The following NT5DC1 variants were observed in gnomAD, a reference collection of about 807,000 sequenced individuals.
NT5DC1 encodes 5'-nucleotidase domain containing 1.
A neutral mutation model predicts 59.4 loss-of-function variants in NT5DC1; 42 were observed. The observed-to-expected ratio is 0.71, with a 90% confidence interval of 0.55 to 0.92. The LOEUF (loss-of-function observed/expected upper bound fraction) is 0.92. NT5DC1 is among the 40% of genes least tolerant of loss of function. NT5DC1 has a pLI of 0.00. For missense variants in NT5DC1, 501 were observed against 537.1 expected (o/e 0.93, Z 0.66); for synonymous variants, 172 against 188.1 (o/e 0.91, Z 0.70).
In NT5DC1 at chr6:116,121,996, G is replaced by A. The variant is rs769586044; in HGVS notation, c.529+4051G>A. ...ACACCCAACACACCCACCCATAGAA[G>A]GGGATGGTTAGTGACATTAAAGAGA... is the stretch of plus-strand genomic sequence containing the variant. On this transcript the variant is annotated intron_variant, in intron 6 of 11. Transcript: ENST00000319550. The A allele has an allele frequency of 5.7e-6, 9 of 1,570,184 alleles. 1 individual carries two copies. In the Admixed American group the frequency reaches 1.5e-4, roughly 26 times the overall value.
intron 6 of NT5DC1, among the ~76,000 whole-genome samples, chr6:116,201,253 T>G (rs1781340901): frequency 1.3e-5 from 2 of 152,220 alleles, no homozygotes; most frequent in South Asian, 4.1e-4. Flanking sequence ...ATGATACTCT[T>G]GCCTTTTTGG....
chr6:116,181,968 T>A (rs1780882745), intron 6 of NT5DC1, among the ~76,000 whole-genome samples: 1 of 152,098 alleles, frequency 6.6e-6, no homozygotes, highest in Admixed American at 6.6e-5. Context: ...GGTGCACCCA[T>A]CACCTGAGCA....
chr6:116,205,608 A>T lies in NT5DC1; in HGVS notation c.530-15446A>T, dbSNP rs932770988. On this transcript the variant is annotated intron_variant, in intron 6 of 11. Coordinates refer to ENST00000319550, the MANE Select transcript of NT5DC1 (RefSeq NM_152729.3). ...AATATGTGGAATAAATTGGGGGGGA[A>T]AAAAGGCTGTTCAGATATTTTATAC... Among the ~76,000 whole-genome samples, 3 of 151,926 alleles carry T rather than the reference A, an allele frequency of 2.0e-5. No homozygotes were observed. In the East Asian group the frequency reaches 5.8e-4, roughly 30 times the overall value.
At chr6:116,122,654 A>C (rs1446025092) in intron 6 of NT5DC1, among the ~76,000 whole-genome samples, 1 of 152,186 alleles carries the variant, frequency 6.6e-6, no homozygotes, top group African/African-American at 2.4e-5. Context: ...TTAAACTAAA[A>C]ATCATAGTGC....
chr6:116,246,978 T>G lies in NT5DC1; in HGVS notation c.*2954T>G, dbSNP rs1771860823. ...TACTCTCTATAGCAACCATATGAGA[T>G]GTATATAATTATTAAATTGTACAGA... On this transcript the variant is annotated 3_prime_UTR_variant, in exon 12 of 12. Coordinates refer to ENST00000319550, the MANE Select transcript of NT5DC1 (RefSeq NM_152729.3). 1 of 152,206 alleles carries G rather than the reference T, an allele frequency of 6.6e-6. No homozygotes were observed. Among genetic ancestry groups the G allele is most frequent in the Non-Finnish European group, 1.5e-5 (1 of 68,016 alleles). 9.4% of individuals were successfully genotyped at this position (152,206 alleles called of 1,614,324 possible). A position where few individuals can be genotyped will look rare whatever the true frequency, so the allele number is the denominator to read the frequency against.
intron 6 of NT5DC1, among the ~76,000 whole-genome samples, chr6:116,154,642 C>T (rs536054370): frequency 6.8e-6 from 1 of 147,108 alleles, no homozygotes; most frequent in South Asian, 2.1e-4. Flanking sequence ...ATTTGGTAAA[C>T]TTACAGATTA....
chr6:116,154,805 T>G (rs1382420847), intron 6 of NT5DC1, among the ~76,000 whole-genome samples: 1 of 152,238 alleles, frequency 6.6e-6, no homozygotes, highest in African/African-American at 2.4e-5. Flanking sequence ...GATTAATAAC[T>G]CTTAGCAGAG....
intron 6 of NT5DC1, among the ~76,000 whole-genome samples, chr6:116,202,761 CAA>C (rs1237823985): frequency 6.6e-6 from 1 of 151,968 alleles, no homozygotes; most frequent in African/African-American, 2.4e-5. Flanking sequence ...AATATTAAGA[CAA>C]TGACAGCTAT....
intron 8 of NT5DC1, among the ~76,000 whole-genome samples, chr6:116,227,308 T>C (rs1447563171): frequency 2.0e-5 from 3 of 152,224 alleles, no homozygotes; most frequent in Non-Finnish European, 4.4e-5. Flanking sequence ...AGGATTTCTT[T>C]CTTGTTAAGG....
chr6:116,139,167 G>A (rs949958079), intron 6 of NT5DC1, among the ~76,000 whole-genome samples: 61 of 152,112 alleles, frequency 4.0e-4, no homozygotes, highest in Admixed American at 1.3e-4. Flanking sequence ...AAGAATATTG[G>A]GGGAAAATGT....
chr6:116,120,780 CA>C, intron 6 of NT5DC1: 1 of 1,613,296 alleles, frequency 6.2e-7, no homozygotes, highest in Non-Finnish European at 8.5e-7. Flanking sequence ...CCTGGTATTC[CA>C]GGGGCACCTC....
intron 8 of NT5DC1, among the ~76,000 whole-genome samples, chr6:116,224,173 A>G (rs1562172108): frequency 6.6e-6 from 1 of 152,156 alleles, no homozygotes; most frequent in Admixed American, 6.5e-5. Flanking sequence ...AAAATTTCCC[A>G]AAAAAGTGTT....
chr6:116,235,929 C>G (rs182530374), intron 8 of NT5DC1, among the ~76,000 whole-genome samples: 2 of 152,238 alleles, frequency 1.3e-5, no homozygotes, highest in African/African-American at 4.8e-5. Context: ...TTAAGACCCC[C>G]TCATTTATCT....
chr6:116,151,907 A>C (rs1780051310), intron 6 of NT5DC1, among the ~76,000 whole-genome samples: 1 of 152,192 alleles, frequency 6.6e-6, no homozygotes, highest in South Asian at 2.1e-4. Flanking sequence ...TGATGCATTT[A>C]TTTTGGCTTC....
chr6:116,213,204 A>T (rs914145711), intron 6 of NT5DC1, among the ~76,000 whole-genome samples: 4 of 152,064 alleles, frequency 2.6e-5, no homozygotes. Context: ...CTGTGGTTGC[A>T]GTCAGATGTC....
At chr6:116,180,550 CAAAG>C (rs950035770) in intron 6 of NT5DC1, among the ~76,000 whole-genome samples, 3 of 152,002 alleles carry the variant, frequency 2.0e-5, no homozygotes, top group Non-Finnish European at 4.4e-5. Flanking sequence ...AATCTTATCA[CAAAG>C]AAAGAAACAT....
intron 6 of NT5DC1, among the ~76,000 whole-genome samples, chr6:116,192,165 A>G (rs1287833647): frequency 6.6e-6 from 1 of 152,058 alleles, no homozygotes. Context: ...GTGTGAGTTC[A>G]GAGTTAACTG....
chr6:116,121,365 G>A (rs1417010255), intron 6 of NT5DC1: 2 of 1,613,936 alleles, frequency 1.2e-6, no homozygotes, highest in African/African-American at 1.3e-5. Context: ...GGGCCTTGGG[G>A]ACCTGGTGGG....
intron 6 of NT5DC1, 31 bp from the exon 7 acceptor site, chr6:116,221,023 G>C: frequency 9.1e-7 from 1 of 1,093,788 alleles, no homozygotes; most frequent in Non-Finnish European, 1.4e-6. Flanking sequence ...TGTTTAAAAA[G>C]AAAAACCTCA....
Sources: gnomAD v4.1 joint callset for allele counts (sites outside exome capture counted in the v4.1 genomes callset) on GRCh38, gnomAD v4.1.1 for gene constraint, MANE v1.5 for transcripts, NCBI Gene and HGNC (gene_info 2026-07-23, HGNC 2026-07-21) for gene names.